The following TM9SF4 variants were observed in gnomAD, a reference collection of about 807,000 sequenced individuals.
TM9SF4 encodes the protein transmembrane 9 superfamily member 4, also known as dinucleotide oxidase disulfide thiol exchanger 3 superfamily member 4.
A neutral mutation model predicts 90.4 loss-of-function variants in TM9SF4; 26 were observed. The observed-to-expected ratio is 0.29, with a 90% CI of 0.21 to 0.40. The LOEUF is 0.40. Ranked by LOEUF, TM9SF4 falls within the 10% of genes least tolerant of loss-of-function variation. TM9SF4 has a pLI of 1.00. For missense variants in TM9SF4, 549 were observed against 834.8 expected (o/e 0.66, Z 4.22); for synonymous variants, 293 against 315.4 (o/e 0.93, Z 0.75).
chr20:32,123,142 A>T (rs2046352629), intron 1 of TM9SF4, among the ~76,000 whole-genome samples: 1 of 115,006 alleles, frequency 8.7e-6, no homozygotes, highest in South Asian at 3.5e-4. Flanking sequence ...TCGGCTCGGC[A>T]TGAGAGGGAG....
chr20:32,164,299 CTT>C (rs2047069758), intron 17 of TM9SF4, among the ~76,000 whole-genome samples: 1 of 151,418 alleles, frequency 6.6e-6, no homozygotes, highest in Admixed American at 6.6e-5. Flanking sequence ...GGGAGGATAA[CTT>C]AAGTCCAAGT....
chr20:32,160,348 T>C (rs979213316), intron 16 of TM9SF4, among the ~76,000 whole-genome samples: 1 of 152,154 alleles, frequency 6.6e-6, no homozygotes, highest in African/African-American at 2.4e-5. Flanking sequence ...CACAGCTAGA[T>C]GAAAGGACAG....
At chr20:32,144,634 G>C (rs1234454862) in intron 6 of TM9SF4, among the ~76,000 whole-genome samples, 1 of 152,184 alleles carries the variant, frequency 6.6e-6, no homozygotes, top group Non-Finnish European at 1.5e-5. Flanking sequence ...TGTTGGCCAG[G>C]CATGGTGGCT....
At chr20:32,159,959 C>T in intron 15 of TM9SF4, 33 bp from the exon 16 acceptor site, 1 of 1,613,700 alleles carries the variant, frequency 6.2e-7, no homozygotes, top group Non-Finnish European at 8.5e-7. Flanking sequence ...GCAGGGTGGT[C>T]AAGCCAGCTG....
rs772869916 is a variant in TM9SF4, at chr20:32,109,751, C to T, written c.11C>T (p.Ala4Val). Residue 4 changes from alanine (A) to valine (V), a missense_variant, in exon 1 of 18, where the codon GCG becomes GTG. Around this residue, in one of 2 missense-constraint regions of TM9SF4, gnomAD observed 495 missense variants for 711.7 expected, o/e 0.70. Transcript: ENST00000398022. ...ACACGTGGATCCAAGATGGCGACGG[C>T]GATGGTGAGTGAAGGAGACTCCGGG... is the stretch of plus-strand genomic sequence containing the variant. Reference protein sequence around the residue: MATAMDWLPWSLLL... With the variant: MATVMDWLPWSLLL... The T allele has an allele frequency of 2.3e-5, 36 of 1,551,510 alleles. No individual in the cohort carries two copies. The highest frequency in any genetic ancestry group is 3.1e-5 in the Non-Finnish European group (36 of 1,146,996).
intron 1 of TM9SF4, among the ~76,000 whole-genome samples, chr20:32,123,831 C>T (rs1205438314): frequency 7.3e-6 from 1 of 137,654 alleles, no homozygotes; most frequent in African/African-American, 2.8e-5. Context: ...CTCTAGCTCA[C>T]GTGTTCTCTC....
At chr20:32,163,573 T>G (rs1447672089) in intron 17 of TM9SF4, among the ~76,000 whole-genome samples, 1 of 151,418 alleles carries the variant, frequency 6.6e-6, no homozygotes, top group East Asian at 1.9e-4. Context: ...GCATCACATA[T>G]TCAGACAGAC....
chr20:32,145,019 CAGCCCCTGGAAT>C (rs2046741347), intron 6 of TM9SF4, 60 bp from the exon 7 acceptor site: 1 of 1,460,248 alleles, frequency 6.8e-7, no homozygotes, highest in Admixed American at 1.7e-5. Flanking sequence ...GCCTTGAGGG[CAGCCCCTGGAAT>C]AGCCCCTGGG....
chr20:32,121,934 C>T (rs1196177711), intron 1 of TM9SF4, among the ~76,000 whole-genome samples: 1 of 134,594 alleles, frequency 7.4e-6, no homozygotes, highest in Non-Finnish European at 1.6e-5. Context: ...GGGGGGCTGA[C>T]CCCCCCCAGC....
chr20:32,117,557 T>TG (rs2046244803), intron 1 of TM9SF4, among the ~76,000 whole-genome samples: 1 of 152,196 alleles, frequency 6.6e-6, no homozygotes, highest in South Asian at 2.1e-4. Flanking sequence ...TTGGAGTGGC[T>TG]GGGGGTACTT....
At chr20:32,122,620 G>T (rs1569051626) in intron 1 of TM9SF4, among the ~76,000 whole-genome samples, 1 of 149,934 alleles carries the variant, frequency 6.7e-6, no homozygotes, top group Non-Finnish European at 1.5e-5. Flanking sequence ...TGGCGTCCGG[G>T]AAGAGGCGCT....
At chr20:32,136,339 G>A (rs1170450469) in intron 3 of TM9SF4, among the ~76,000 whole-genome samples, 166 bp downstream of exon 3, 1 of 152,188 alleles carries the variant, frequency 6.6e-6, no homozygotes, top group Non-Finnish European at 1.5e-5. Context: ...GGAGACAGTT[G>A]CTGTGTTTAT....
rs1162292043 is a variant in TM9SF4, at chr20:32,110,275, G to A, written c.15+520G>A. Among the ~76,000 whole-genome samples the A allele has an allele frequency of 3.9e-5, 6 of 151,908 alleles. No homozygotes were observed. The East Asian group carries it at 7.8e-4, about 20-fold the overall frequency. ...TTACACTCATAGCTGTCCCCATCGC[G>A]CACCCCCTTGACTGCCGCTACCCCA... On this transcript the variant is annotated intron_variant, in intron 1 of 17. Coordinates refer to ENST00000398022, the MANE Select transcript of TM9SF4 (RefSeq NM_014742.4).
At chr20:32,116,595 C>G (rs2046226897) in intron 1 of TM9SF4, 1 of 152,270 alleles carries the variant, frequency 6.6e-6, no homozygotes. Context: ...TACTCTGTGT[C>G]TGTGGGCTCT....
chr20:32,143,706 G>A (rs1462215540), intron 6 of TM9SF4, among the ~76,000 whole-genome samples: 1 of 151,800 alleles, frequency 6.6e-6, no homozygotes, highest in Non-Finnish European at 1.5e-5. Flanking sequence ...CCAGGATTTT[G>A]ACCATGTTGG....
chr20:32,146,113 AG>A (rs773961886), intron 8 of TM9SF4, among the ~76,000 whole-genome samples: 1 of 152,232 alleles, frequency 6.6e-6, no homozygotes, highest in Non-Finnish European at 1.5e-5. Context: ...CATTTACCAA[AG>A]GGCCAGCTGC....
intron 1 of TM9SF4, among the ~76,000 whole-genome samples, chr20:32,131,481 A>AGTGTGTGTGTGTGTGT (rs10524812): frequency 0.012 from 1,786 of 147,602 alleles, 31 homozygotes; most frequent in African/African-American, 0.041. Flanking sequence ...GAGTCATCAG[A>AGTGTGTGTGTGTGTGT]GTGTGTGTGT....
intron 2 of TM9SF4, among the ~76,000 whole-genome samples, chr20:32,135,151 G>C (rs555779348): frequency 1.3e-5 from 2 of 152,234 alleles, no homozygotes; most frequent in South Asian, 4.2e-4. Flanking sequence ...GTGGTTTCCA[G>C]AGCTATATTC....
At chr20:32,109,847 A>C (rs1600762776) in intron 1 of TM9SF4, 92 bp downstream of exon 1, 4 of 1,543,798 alleles carry the variant, frequency 2.6e-6, no homozygotes, top group Non-Finnish European at 2.6e-6. Context: ...GCCCTGAGCC[A>C]CCTCCGGGAC....
Sources: gnomAD v4.1 joint callset for allele counts (sites outside exome capture counted in the v4.1 genomes callset) on GRCh38, gnomAD v4.1.1 for gene constraint, gnomAD v4.1.1 regional missense constraint, MANE v1.5 for transcripts, NCBI Gene and HGNC (gene_info 2026-07-23, HGNC 2026-07-21) for gene names.